UNG: variants seen among roughly 807,000 people sequenced by gnomAD.
UNG encodes uracil-DNA glycosylase.
A neutral mutation model predicts 36.5 loss-of-function variants in UNG; 34 were observed. The ratio of observed to expected loss-of-function variants is 0.93; its 90% CI spans 0.71 to 1.24. The LOEUF (loss-of-function observed/expected upper bound fraction) is 1.24, where lower values mean the gene tolerates loss of function less well. Among genes scored for constraint, UNG ranks in the 50% most tolerant of loss-of-function variants. UNG has a pLI of 0.00. For missense variants in UNG, 391 were observed against 397.6 expected, an observed-to-expected ratio of 0.98 and a Z score of 0.14; for synonymous variants, 172 against 157.8, an observed-to-expected ratio of 1.09 and a Z score of -0.67.
chr12:109,107,123 T>G (rs901793872), intron 6 of UNG, among the ~76,000 whole-genome samples: 1 of 151,242 alleles, frequency 6.6e-6, no homozygotes, highest in Non-Finnish European at 1.5e-5. Context: ...AAAGATGCCC[T>G]GTGGTGTACG....
chr12:109,104,608 G>T (rs928343454), intron 6 of UNG, among the ~76,000 whole-genome samples: 1 of 152,082 alleles, frequency 6.6e-6, no homozygotes, highest in African/African-American at 2.4e-5. Flanking sequence ...TGCCCTTCAG[G>T]CATGAGTCAC....
At chr12:109,106,494 A>G (rs3219257) in intron 6 of UNG, among the ~76,000 whole-genome samples, 5,288 of 152,152 alleles carry the variant, frequency 0.035, 292 homozygotes, top group African/African-American at 0.12. Flanking sequence ...AATGGTCTAT[A>G]TCTCCCTGTT....
chr12:109,098,618 G>C lies in UNG; in HGVS notation c.319G>C (p.Gly107Arg). The C allele has an allele frequency of 1.2e-6, 2 of 1,613,534 alleles. No individual in the cohort carries two copies. Among genetic ancestry groups the C allele is most frequent in the Non-Finnish European group, 1.7e-6 (2 of 1,180,040 alleles). Reference sequence around the variant, plus strand: ...GAAGAAGCACCTCAGCGGGGAGTTCGGGAAACCGTATTTTATCAAGGTAAA... The same window carrying C: ...GAAGAAGCACCTCAGCGGGGAGTTCCGGAAACCGTATTTTATCAAGGTAAA... ...SWKKHLSGEF[G>R]KPYFIKLMGF... Residue 107 changes from glycine to arginine, a missense_variant, in exon 2 of 7, where the codon GGG becomes CGG. Transcript: ENST00000242576.
intron 6 of UNG, among the ~76,000 whole-genome samples, chr12:109,106,446 C>A (rs371444314): frequency 2.0e-5 from 3 of 151,724 alleles, no homozygotes; most frequent in African/African-American, 7.3e-5. Context: ...GTGATTTGTT[C>A]GTTAGTTTTT....
chr12:109,101,855 G>A (rs1422976527), intron 3 of UNG, 47 bp from the exon 4 acceptor site: 7 of 1,525,150 alleles, frequency 4.6e-6, no homozygotes, highest in African/African-American at 4.1e-5. Flanking sequence ...GGTCTGTGCT[G>A]CTTACATTAC....
In UNG at chr12:109,098,509, G is replaced by T; in HGVS notation, c.210G>T (p.Gln70His). 6.2e-7 allele frequency: 1 copy of T among 1,612,934 alleles called. No individual in the cohort carries two copies. Among genetic ancestry groups the T allele is most frequent in the Non-Finnish European group, 8.5e-7 (1 of 1,179,878 alleles). The change falls in exon 2 of 7, where the codon CAG becomes CAT. Residue 70 changes from glutamine to histidine, a missense_variant. Physicochemically the swap from Gln to His is conservative, Grantham distance 24 (BLOSUM62 0). Coordinates refer to ENST00000242576, the MANE Select transcript of UNG (RefSeq NM_080911.3). The part of the protein sequence containing the change: ...TPPSSPLSAE[Q>H]LDRIQRNKAA... ...CCTCCTCGCCGCTGAGTGCCGAGCAGTTGGACCGGATCCAGAGGAACAAGG... is the reference window on the plus strand; with the variant it reads ...CCTCCTCGCCGCTGAGTGCCGAGCATTTGGACCGGATCCAGAGGAACAAGG...
Position 109,098,411 on chromosome 12 carries a change from C to G in UNG, c.133-21C>G, listed in dbSNP as rs368919428. 3 of 1,605,168 alleles carry G rather than the reference C, an allele frequency of 1.9e-6. No individual in the cohort carries two copies. In the East Asian group the frequency reaches 6.7e-5, roughly 36 times the overall value. On this transcript the variant is annotated intron_variant, in intron 1 of 6. Transcript: ENST00000242576. ...GGGGCCGCTGCAGCTCTTGAGCCGC[C>G]TCTGCGGGGACCACTTGCAGGCCAT...
intron 6 of UNG, among the ~76,000 whole-genome samples, chr12:109,106,157 T>C (rs1372517201): frequency 6.6e-6 from 1 of 152,212 alleles, no homozygotes; most frequent in Non-Finnish European, 1.5e-5. Context: ...TGACTTCTTA[T>C]CACACTCAGC....
In UNG at chr12:109,099,294, A is replaced by G; in HGVS notation, c.435+10A>G. 2 of 1,608,742 alleles carry G rather than the reference A, an allele frequency of 1.2e-6. No homozygotes were observed. The highest frequency in any genetic ancestry group is 1.7e-6 in the Non-Finnish European group (2 of 1,175,132). ...GTGTGACATAAAAGATGTAAGTACA[A>G]CTTGTTGATAATTTTTATTGGGGAG... On this transcript the variant is annotated intron_variant, in intron 3 of 6. Coordinates refer to ENST00000242576, the MANE Select transcript of UNG (RefSeq NM_080911.3).
rs1273959837 is a variant in UNG, at chr12:109,110,225, A to G, written c.*256A>G. The G allele has an allele frequency of 1.9e-6, 1 of 527,244 alleles. No homozygotes were observed. Among genetic ancestry groups the G allele is most frequent in the Non-Finnish European group, 3.4e-6 (1 of 293,564 alleles). 32.7% of individuals were successfully genotyped at this position (527,244 alleles called of 1,614,324 possible). A position where few individuals can be genotyped will look rare whatever the true frequency, so the allele number is the denominator to read the frequency against. The stretch of plus-strand genomic sequence containing the variant: ...ATATGCAGAAGACAGATGAGGTCAA[A>G]TACTCAGTTGGCTCTCTTTATCTCC... On this transcript the variant is annotated 3_prime_UTR_variant, in exon 7 of 7. Coordinates refer to ENST00000242576, the MANE Select transcript of UNG (RefSeq NM_080911.3).
At chr12:109,102,119 G>T in intron 4 of UNG, 120 bp downstream of exon 4, 1 of 886,206 alleles carries the variant, frequency 1.1e-6, no homozygotes, top group Non-Finnish European at 1.8e-6. Flanking sequence ...GGATTTCTCG[G>T]CCTCAGCACC....
At chr12:109,098,770 A>C in intron 2 of UNG, 132 bp downstream of exon 2, 1 of 1,167,608 alleles carries the variant, frequency 8.6e-7, no homozygotes, top group Non-Finnish European at 1.2e-6. Context: ...CTTTACTCAC[A>C]AAGGGGGTAA....
intron 1 of UNG, chr12:109,098,147 G>T: frequency 7.2e-7 from 1 of 1,391,334 alleles, no homozygotes; most frequent in Non-Finnish European, 9.3e-7. Flanking sequence ...CGGTGGGGCG[G>T]GTCTGGCGGG....
Position 109,097,629 on chromosome 12 carries a change from A to G in UNG, c.-51A>G, listed in dbSNP as rs375712849. 6.3e-4 allele frequency: 1,006 copies of G among 1,586,612 alleles called. 1 individual carries two copies. The highest frequency in any genetic ancestry group is 7.9e-4 in the Non-Finnish European group (924 of 1,166,320). ...GACCGCCACAGCCACAGCCAGGGCT[A>G]GCCTCGCCGGTTCCCGGGTGGCGCG... On this transcript the variant is annotated 5_prime_UTR_variant, in exon 1 of 7. Coordinates refer to ENST00000242576, the MANE Select transcript of UNG (RefSeq NM_080911.3).
At chr12:109,108,103 T>A (rs923381004) in intron 6 of UNG, among the ~76,000 whole-genome samples, 11 of 152,216 alleles carry the variant, frequency 7.2e-5, no homozygotes, top group African/African-American at 2.7e-4. Flanking sequence ...CTAGGAGTTA[T>A]GTGGTTTTAC....
intron 4 of UNG, 62 bp from the exon 5 acceptor site, chr12:109,102,777 A>T: frequency 1.5e-6 from 2 of 1,357,372 alleles, no homozygotes; most frequent in Non-Finnish European, 2.1e-6. Flanking sequence ...CTTAGACGTT[A>T]CTGAGCTTTC....
intron 1 of UNG, 82 bp downstream of exon 1, chr12:109,097,893 C>G (rs1054275430): frequency 7.0e-7 from 1 of 1,421,910 alleles, no homozygotes; most frequent in Non-Finnish European, 9.2e-7. Context: ...CGTGCAGGAT[C>G]GCGCCTCTGA....
chr12:109,103,966 CAT>C (rs1183262222), intron 6 of UNG, among the ~76,000 whole-genome samples: 1 of 152,090 alleles, frequency 6.6e-6, no homozygotes, highest in African/African-American at 2.4e-5. Flanking sequence ...AATTTGGGAA[CAT>C]ATAGAAAACA....
chr12:109,102,334 C>T (rs1255185904), intron 4 of UNG, among the ~76,000 whole-genome samples: 3 of 151,996 alleles, frequency 2.0e-5, no homozygotes, highest in East Asian at 1.9e-4. Context: ...TGCTTTGGGC[C>T]GGGCGCGGTG....
Sources: gnomAD v4.1 joint callset for allele counts (sites outside exome capture counted in the v4.1 genomes callset) on GRCh38, gnomAD v4.1.1 for gene constraint, MANE v1.5 for transcripts, NCBI Gene and HGNC (gene_info 2026-07-23, HGNC 2026-07-21) for gene names.